Variants in ZNHIT6 observed in about 807,000 individuals in gnomAD.
ZNHIT6 encodes box C/D snoRNA protein 1.
Under a neutral mutation model 57.2 loss-of-function variants are expected in ZNHIT6, and 45 were observed. The observed-to-expected ratio is 0.79, with a 90% CI of 0.62 to 1.01. The LOEUF (loss-of-function observed/expected upper bound fraction) is 1.01, where lower values mean the gene tolerates loss of function less well. Ranked by LOEUF, ZNHIT6 falls within the 50% of genes least tolerant of loss-of-function variation. The pLI is 0.00. For synonymous variants in ZNHIT6, 188 were observed against 190.0 expected, an observed-to-expected ratio of 0.99 and a Z score of 0.09; for missense variants, 528 against 567.3, an observed-to-expected ratio of 0.93 and a Z score of 0.70.
chr1:85,667,961 A>AAAAAAAAAAAAAAAAAAAAATATAT, intron 8 of ZNHIT6, among the ~76,000 whole-genome samples: 6 of 18,202 alleles, frequency 3.3e-4, no homozygotes, highest in African/African-American at 4.2e-4. Context: ...AAAAAAAAAA[A>AAAAAAAAAAAAAAAAAAAAATATAT]ATATATATAT....
chr1:85,699,715 T>C (rs1214765739), intron 5 of ZNHIT6, among the ~76,000 whole-genome samples: 1 of 152,178 alleles, frequency 6.6e-6, no homozygotes, highest in Non-Finnish European at 1.5e-5. Context: ...TTTCTAGGAA[T>C]TGATCCTACA....
intron 8 of ZNHIT6, among the ~76,000 whole-genome samples, chr1:85,659,744 A>C (rs1193611981): frequency 6.6e-6 from 1 of 152,210 alleles, no homozygotes; most frequent in Non-Finnish European, 1.5e-5. Flanking sequence ...GTCTCACGCA[A>C]TCGTTTTCAA....
chr1:85,656,405 TAGTAA>T (rs1476967106), intron 9 of ZNHIT6, among the ~76,000 whole-genome samples: 2 of 152,164 alleles, frequency 1.3e-5, no homozygotes, highest in African/African-American at 2.4e-5. Flanking sequence ...CCCAGTACGC[TAGTAA>T]AGTAGTCTTT....
intron 8 of ZNHIT6, among the ~76,000 whole-genome samples, chr1:85,675,054 G>T (rs1277794304): frequency 1.3e-5 from 2 of 152,166 alleles, no homozygotes; most frequent in African/African-American, 4.8e-5. Flanking sequence ...GCATACCAGG[G>T]TTTTTGAGAA....
chr1:85,708,409 C>G lies in ZNHIT6; in HGVS notation c.-125G>C, dbSNP rs1662762168. 4.1e-6 allele frequency: 5 copies of G among 1,225,534 alleles called. No homozygotes were observed. The African/African-American group carries it at 6.0e-5, about 15-fold the overall frequency. 75.9% of individuals were successfully genotyped at this position (1,225,534 alleles called of 1,614,324 possible). ...CGTGTGGAGCCAAGCAGCCACAAAC[C>G]CGGAATAGCCTGCTTGACGCGACTG... On this transcript the variant is annotated 5_prime_UTR_variant, in exon 1 of 10. Transcript: ENST00000370574.
chr1:85,658,728 C>T (rs1661136466), intron 8 of ZNHIT6, among the ~76,000 whole-genome samples: 3 of 151,618 alleles, frequency 2.0e-5, no homozygotes, highest in Non-Finnish European at 4.4e-5. Context: ...AAAATTAGCT[C>T]GGCATGGTGG....
intron 5 of ZNHIT6, among the ~76,000 whole-genome samples, chr1:85,695,764 C>T (rs549157747): frequency 5.6e-4 from 86 of 152,314 alleles, no homozygotes; most frequent in Middle Eastern, 6.8e-3. Context: ...AGGCCGGGCG[C>T]GGTGGCTCAC....
In ZNHIT6 at chr1:85,653,844, A is replaced by G; in HGVS notation, c.*214T>C. On this transcript the variant is annotated 3_prime_UTR_variant, in exon 10 of 10. Transcript: ENST00000370574. Reference sequence around the variant, plus strand: ...AATAAGTACTATGCTGATCAAGTGCAAAGGAGAGTTCTTAATATGAATAAA... The same window carrying G: ...AATAAGTACTATGCTGATCAAGTGCGAAGGAGAGTTCTTAATATGAATAAA... 1 of 537,812 alleles carries G rather than the reference A, an allele frequency of 1.9e-6. No individual in the cohort carries two copies. The highest frequency in any genetic ancestry group is 3.3e-6 in the Non-Finnish European group (1 of 306,666). 33.3% of individuals were successfully genotyped at this position (537,812 alleles called of 1,614,324 possible). A position where few individuals can be genotyped will look rare whatever the true frequency, so the allele number is the denominator to read the frequency against.
chr1:85,684,967 A>G (rs895418131), intron 5 of ZNHIT6, among the ~76,000 whole-genome samples: 4 of 152,176 alleles, frequency 2.6e-5, no homozygotes, highest in Admixed American at 6.5e-5. Flanking sequence ...ATTAATAACC[A>G]AAGAAATGTA....
intron 8 of ZNHIT6, among the ~76,000 whole-genome samples, chr1:85,662,416 C>T (rs1430127028): frequency 1.3e-5 from 2 of 152,082 alleles, no homozygotes; most frequent in Admixed American, 6.6e-5. Flanking sequence ...TAAATTTCTA[C>T]AATTTTTGAT....
intron 5 of ZNHIT6, among the ~76,000 whole-genome samples, chr1:85,701,800 A>G (rs147545058): frequency 0.017 from 2,550 of 152,342 alleles, 36 homozygotes; most frequent in Admixed American, 0.032. Flanking sequence ...AACAATGAGC[A>G]TCATTGAGGA....
At chr1:85,662,869 T>A (rs1298423968) in intron 8 of ZNHIT6, among the ~76,000 whole-genome samples, 5 of 152,222 alleles carry the variant, frequency 3.3e-5, no homozygotes, top group Non-Finnish European at 7.3e-5. Context: ...CTAACCATGA[T>A]ATTTAAACTA....
At chr1:85,696,160 T>G (rs1662362759) in intron 5 of ZNHIT6, among the ~76,000 whole-genome samples, 1 of 148,604 alleles carries the variant, frequency 6.7e-6, no homozygotes, top group African/African-American at 2.4e-5. Context: ...AAATAATCGC[T>G]AATTTATTAA....
intron 5 of ZNHIT6, among the ~76,000 whole-genome samples, chr1:85,691,160 C>CA (rs1420585255): frequency 6.6e-6 from 1 of 152,188 alleles, no homozygotes; most frequent in Non-Finnish European, 1.5e-5. Context: ...CTCCATCTTA[C>CA]AGATAAGGCA....
At chr1:85,664,985 C>T (rs1344245210) in intron 8 of ZNHIT6, among the ~76,000 whole-genome samples, 1 of 152,050 alleles carries the variant, frequency 6.6e-6, no homozygotes, top group Non-Finnish European at 1.5e-5. Context: ...GTGTATGCTG[C>T]CACACTCGGC....
chr1:85,657,777 A>C (rs1661101586), intron 9 of ZNHIT6, 70 bp downstream of exon 9: 3 of 1,419,114 alleles, frequency 2.1e-6, no homozygotes, highest in Admixed American at 3.9e-5. Flanking sequence ...TAAAGAAATA[A>C]GGGTGGACAT....
At chr1:85,661,279 T>C (rs1557835343) in intron 8 of ZNHIT6, among the ~76,000 whole-genome samples, 1 of 152,204 alleles carries the variant, frequency 6.6e-6, no homozygotes, top group Non-Finnish European at 1.5e-5. Flanking sequence ...CATTCACTGG[T>C]CTGTGATCCT....
At chr1:85,677,343 A>G (rs1279137756) in intron 7 of ZNHIT6, 30 bp from the exon 8 acceptor site, 2 of 1,569,670 alleles carry the variant, frequency 1.3e-6, no homozygotes, top group South Asian at 1.2e-5. Context: ...TTGAAGGAAA[A>G]GCTGATTTTT....
chr1:85,688,561 A>G (rs1483612078), intron 5 of ZNHIT6, among the ~76,000 whole-genome samples: 1 of 152,152 alleles, frequency 6.6e-6, no homozygotes, highest in African/African-American at 2.4e-5. Flanking sequence ...CCTACCTCTC[A>G]CCACCATCCT....
Sources: gnomAD v4.1 joint callset for allele counts (sites outside exome capture counted in the v4.1 genomes callset) on GRCh38, gnomAD v4.1.1 for gene constraint, MANE v1.5 for transcripts, NCBI Gene and HGNC (gene_info 2026-07-23, HGNC 2026-07-21) for gene names.